ADORA2B: variants seen among roughly 807,000 people sequenced by gnomAD.
ADORA2B encodes adenosine receptor A2b.
ADORA2B carries 18 observed loss-of-function variants against 20.8 expected under a neutral mutation model. The observed-to-expected ratio is 0.87, with a 90% CI of 0.60 to 1.29. ADORA2B has a LOEUF of 1.29. Among genes scored for constraint, ADORA2B ranks in the 50% most tolerant of loss-of-function variants. ADORA2B has a pLI of 0.00. For missense variants in ADORA2B, 441 were observed against 422.7 expected (o/e 1.04, Z -0.38); for synonymous variants, 179 against 178.3 (o/e 1.00, Z -0.03).
chr17:15,866,675 T>C, the ADORA2B span, among the ~76,000 whole-genome samples: 2 of 131,140 alleles, frequency 1.5e-5, no homozygotes, highest in East Asian at 4.4e-4. Flanking sequence ...AATTTTCTTC[T>C]TTTGGCTCTC....
chr17:15,924,232 G>GTC, the ADORA2B span, among the ~76,000 whole-genome samples: 1 of 152,164 alleles, frequency 6.6e-6, no homozygotes, highest in South Asian at 2.1e-4. Flanking sequence ...CTTTGGATAA[G>GTC]TCAAAGCTAG....
intron 1 of ADORA2B, among the ~76,000 whole-genome samples, chr17:15,952,309 T>C (rs1229667789): frequency 6.6e-6 from 1 of 152,156 alleles, no homozygotes; most frequent in African/African-American, 2.4e-5. Flanking sequence ...CAGCCATTGT[T>C]CCCAAGCCGT....
chr17:15,910,194 C>G, the ADORA2B span, among the ~76,000 whole-genome samples: 1 of 152,222 alleles, frequency 6.6e-6, no homozygotes, highest in African/African-American at 2.4e-5. Context: ...GATTGCTGAT[C>G]TGAGCCACTT....
chr17:15,916,267 C>T, the ADORA2B span, among the ~76,000 whole-genome samples: 1 of 152,222 alleles, frequency 6.6e-6, no homozygotes, highest in African/African-American at 2.4e-5. Context: ...GGGACTGCAG[C>T]TTTGTGCTAC....
rs149022821 is a variant in ADORA2B at position 15,965,039 on chromosome 17, G to A, written c.336-9640G>A. 6.9e-3 allele frequency among the ~76,000 whole-genome samples: 1,043 copies of A among 150,896 alleles called. 13 individuals carry two copies. Among genetic ancestry groups the A allele is most frequent in the African/African-American group, 0.024 (989 of 40,832 alleles). Reference sequence around the variant, plus strand: ...CGTGCCACTGCGCTCCAGCCTGGGCGACGGAGCTAGACTCTGTCTCAAAAA... The same window carrying A: ...CGTGCCACTGCGCTCCAGCCTGGGCAACGGAGCTAGACTCTGTCTCAAAAA... On this transcript the variant is annotated intron_variant, in intron 1 of 1. Coordinates refer to ENST00000304222, the MANE Select transcript of ADORA2B (RefSeq NM_000676.4).
At chr17:15,907,031 C>T in the ADORA2B span, among the ~76,000 whole-genome samples, 1 of 152,160 alleles carries the variant, frequency 6.6e-6, no homozygotes, top group Non-Finnish European at 1.5e-5. Flanking sequence ...GGCATCCCTT[C>T]TTTGCCCAGA....
At chr17:15,948,936 G>A (rs1305388239) in intron 1 of ADORA2B, among the ~76,000 whole-genome samples, 3 of 152,130 alleles carry the variant, frequency 2.0e-5, no homozygotes, top group African/African-American at 7.2e-5. Context: ...GGCCGGGCAC[G>A]GTGGCTCACG....
chr17:15,856,537 T>C, the ADORA2B span, among the ~76,000 whole-genome samples: 1 of 152,022 alleles, frequency 6.6e-6, no homozygotes, highest in Non-Finnish European at 1.5e-5. Context: ...TAGAACAGTT[T>C]GGAGGGCTCA....
chr17:15,932,363 T>C, the ADORA2B span, among the ~76,000 whole-genome samples: 1 of 151,898 alleles, frequency 6.6e-6, no homozygotes, highest in Non-Finnish European at 1.5e-5. Context: ...TATGGTGGCA[T>C]ATGCCTATAT....
At chr17:15,890,382 C>T in the ADORA2B span, among the ~76,000 whole-genome samples, 4 of 99,752 alleles carry the variant, frequency 4.0e-5, 2 homozygotes, top group Non-Finnish European at 8.6e-5. Flanking sequence ...GGATATTAGT[C>T]ATTTGCTATG....
the ADORA2B span, among the ~76,000 whole-genome samples, chr17:15,932,944 T>A: frequency 6.8e-6 from 1 of 148,018 alleles, no homozygotes; most frequent in East Asian, 2.0e-4. Flanking sequence ...GAGGTGTTAG[T>A]CCTTCAATTT....
chr17:15,932,486 CTCTCAA>C, the ADORA2B span, among the ~76,000 whole-genome samples: 1 of 140,244 alleles, frequency 7.1e-6, no homozygotes, highest in African/African-American at 2.8e-5. Context: ...GAGCAAGACT[CTCTCAA>C]AAAAAAAAAA....
At chr17:15,894,748 T>G in the ADORA2B span, among the ~76,000 whole-genome samples, 2 of 152,172 alleles carry the variant, frequency 1.3e-5, no homozygotes, top group Admixed American at 1.3e-4. Flanking sequence ...CAGGGCCATT[T>G]TCTGAGATGG....
chr17:15,924,197 G>A, the ADORA2B span, among the ~76,000 whole-genome samples: 1 of 152,212 alleles, frequency 6.6e-6, no homozygotes, highest in Non-Finnish European at 1.5e-5. Flanking sequence ...ACAGGCATGA[G>A]CTACTGCACC....
chr17:15,860,330 C>T, the ADORA2B span, among the ~76,000 whole-genome samples: 2 of 152,272 alleles, frequency 1.3e-5, no homozygotes, highest in Admixed American at 1.3e-4. Flanking sequence ...AGAATGATTT[C>T]TGCTTTTTTA....
At chr17:15,930,983 G>A in the ADORA2B span, among the ~76,000 whole-genome samples, 3 of 152,172 alleles carry the variant, frequency 2.0e-5, no homozygotes, top group Non-Finnish European at 2.9e-5. Context: ...GAATAAGAAC[G>A]AAGGCGGATG....
At chr17:15,939,945 C>T in the ADORA2B span, among the ~76,000 whole-genome samples, 4 of 150,570 alleles carry the variant, frequency 2.7e-5, no homozygotes, top group Admixed American at 2.6e-4. Flanking sequence ...TTACTTCATA[C>T]ATATATGGAA....
the ADORA2B span, among the ~76,000 whole-genome samples, chr17:15,865,105 T>A: frequency 7.9e-5 from 12 of 152,302 alleles, no homozygotes; most frequent in East Asian, 2.3e-3. Context: ...CTTTCAGAGT[T>A]GTTTGCATTT....
the ADORA2B span, among the ~76,000 whole-genome samples, chr17:15,868,769 G>A: frequency 1.4e-4 from 21 of 146,892 alleles, 1 homozygote; most frequent in Admixed American, 9.5e-4. Flanking sequence ...GACAGAGTGA[G>A]ACTCCATCTC....
Sources: allele counts gnomAD v4.1 joint callset (sites outside exome capture counted in the v4.1 genomes callset), GRCh38; gene constraint gnomAD v4.1.1; transcripts MANE v1.5; gene names NCBI Gene and HGNC (gene_info 2026-07-23, HGNC 2026-07-21).